The following ELMO1 variants were observed in gnomAD, a reference collection of about 807,000 sequenced individuals.
ELMO1 encodes engulfment and cell motility 1.
Under a neutral mutation model 98.9 loss-of-function variants are expected in ELMO1, and 26 were observed. That is an observed-to-expected ratio of 0.26 (90% CI 0.19 to 0.36). The LOEUF is 0.36. ELMO1 is among the 10% of genes least tolerant of loss of function. ELMO1 has a pLI of 1.00. For synonymous variants in ELMO1, 346 were observed against 346.0 expected (o/e 1.00, Z 0.00); for missense variants, 627 against 935.2 (o/e 0.67, Z 4.30).
At chr7:37,062,722 C>T (rs377633857) in intron 15 of ELMO1, among the ~76,000 whole-genome samples, 5 of 152,120 alleles carry the variant, frequency 3.3e-5, no homozygotes, top group South Asian at 2.1e-4. Flanking sequence ...GCCTCCTGGA[C>T]CTGGTAAATT....
intron 16 of ELMO1, among the ~76,000 whole-genome samples, chr7:36,961,711 A>T (rs1366755278): frequency 6.6e-6 from 1 of 152,184 alleles, no homozygotes; most frequent in Non-Finnish European, 1.5e-5. Flanking sequence ...GCTTTTAAGC[A>T]TTTTTTCATA....
chr7:37,061,591 TA>T (rs1408978427), intron 15 of ELMO1, among the ~76,000 whole-genome samples: 2 of 152,200 alleles, frequency 1.3e-5, no homozygotes, highest in African/African-American at 4.8e-5. Context: ...AGAAGAGTGA[TA>T]AATCAACCAG....
At chr7:37,227,114 G>T (rs2130577080) in intron 8 of ELMO1, among the ~76,000 whole-genome samples, 1 of 152,218 alleles carries the variant, frequency 6.6e-6, no homozygotes, top group Admixed American at 6.5e-5. Flanking sequence ...ATAATCACTG[G>T]TGATTCATAT....
At chr7:36,876,533 G>A (rs181851447) in intron 19 of ELMO1, among the ~76,000 whole-genome samples, 21 of 152,112 alleles carry the variant, frequency 1.4e-4, no homozygotes, top group Non-Finnish European at 2.8e-4. Flanking sequence ...CAGAACTGGC[G>A]GGAACATCTG....
chr7:37,319,296 A>AT (rs1455928504), intron 2 of ELMO1, among the ~76,000 whole-genome samples: 1 of 152,120 alleles, frequency 6.6e-6, no homozygotes, highest in Non-Finnish European at 1.5e-5. Context: ...TGCCCTCATT[A>AT]TGGCACCACT....
intron 15 of ELMO1, among the ~76,000 whole-genome samples, chr7:37,062,458 C>T (rs944695268): frequency 3.3e-5 from 5 of 152,158 alleles, no homozygotes; most frequent in Non-Finnish European, 7.3e-5. Context: ...GGTTTAGACA[C>T]GTGCATCCTT....
At chr7:37,043,460 C>T (rs1795635842) in intron 15 of ELMO1, among the ~76,000 whole-genome samples, 2 of 152,172 alleles carry the variant, frequency 1.3e-5, no homozygotes, top group South Asian at 2.1e-4. Flanking sequence ...GATGGCAAAG[C>T]GGCCACACAG....
At chr7:37,257,750 C>T (rs1435968805) in intron 6 of ELMO1, among the ~76,000 whole-genome samples, 2 of 150,318 alleles carry the variant, frequency 1.3e-5, no homozygotes, top group Admixed American at 6.7e-5. Context: ...ACCTGTAATC[C>T]CAATATCTTG....
At chr7:36,880,362 A>G (rs1804349665) in intron 18 of ELMO1, among the ~76,000 whole-genome samples, 1 of 152,228 alleles carries the variant, frequency 6.6e-6, no homozygotes, top group South Asian at 2.1e-4. Context: ...AAGATCAATG[A>G]CACTCAATTG....
chr7:37,015,451 AT>A (rs1189010596), intron 15 of ELMO1, among the ~76,000 whole-genome samples: 4 of 152,006 alleles, frequency 2.6e-5, no homozygotes, highest in African/African-American at 7.2e-5. Flanking sequence ...AAACACAAAA[AT>A]TAGCTGGGCA....
intron 1 of ELMO1, among the ~76,000 whole-genome samples, chr7:37,399,456 C>T (rs910828282): frequency 6.6e-6 from 1 of 152,192 alleles, no homozygotes; most frequent in Non-Finnish European, 1.5e-5. Flanking sequence ...CACCTTGCAC[C>T]AGGCACATGT....
chr7:36,895,052 G>A (rs2129055350), intron 16 of ELMO1, 35 bp from the exon 17 acceptor site: 1 of 1,608,356 alleles, frequency 6.2e-7, no homozygotes, highest in Non-Finnish European at 8.5e-7. Flanking sequence ...TTTTCCTGGG[G>A]GCTGACCTTT....
chr7:37,077,179 C>T (rs1295523298), intron 15 of ELMO1, among the ~76,000 whole-genome samples: 2 of 152,000 alleles, frequency 1.3e-5, no homozygotes, highest in African/African-American at 2.4e-5. Flanking sequence ...ATGGAGCTGG[C>T]GGGAGAAAAG....
intron 4 of ELMO1, among the ~76,000 whole-genome samples, chr7:37,309,083 C>T (rs1263918258): frequency 1.3e-5 from 2 of 152,270 alleles, no homozygotes; most frequent in African/African-American, 2.4e-5. Flanking sequence ...AGTCCGTTCT[C>T]ATGCTGCTAA....
chr7:37,295,321 C>A (rs1420599102), intron 4 of ELMO1, among the ~76,000 whole-genome samples: 2 of 152,160 alleles, frequency 1.3e-5, no homozygotes, highest in African/African-American at 2.4e-5. Flanking sequence ...CTATCAACAT[C>A]CAGACAGTGG....
In ELMO1 at chr7:37,077,186, A is replaced by G. The variant is rs116704429; in HGVS notation, c.1300+19433T>C. Among the ~76,000 whole-genome samples, 259 of 152,324 alleles carry G rather than the reference A, an allele frequency of 1.7e-3. 5 individuals are homozygous for G. The highest frequency in any genetic ancestry group is 5.9e-3 in the African/African-American group (246 of 41,558). ...TGGGGCAGATGGAGCTGGCGGGAGA[A>G]AAGCTGCAAAGAAAGATATGCAAAT... On this transcript the variant is annotated intron_variant, in intron 15 of 21. Transcript: ENST00000310758.
At chr7:37,417,389 C>T (rs77869078) in intron 1 of ELMO1, among the ~76,000 whole-genome samples, 3,740 of 152,198 alleles carry the variant, frequency 0.025, 162 homozygotes, top group African/African-American at 0.083. Context: ...TGGCCAGGCG[C>T]GGTGTCTTAC....
At chr7:37,373,809 C>G (rs1437456449) in intron 1 of ELMO1, among the ~76,000 whole-genome samples, 1 of 152,212 alleles carries the variant, frequency 6.6e-6, no homozygotes, top group Non-Finnish European at 1.5e-5. Context: ...ATTCTCAGTT[C>G]TCTCCTTTGC....
At chr7:37,185,973 A>T (rs1791179511) in intron 13 of ELMO1, among the ~76,000 whole-genome samples, 1 of 152,196 alleles carries the variant, frequency 6.6e-6, no homozygotes, top group South Asian at 2.1e-4. Flanking sequence ...ACAATCCTGA[A>T]ATTCATGTGG....
Sources: gnomAD v4.1 joint callset for allele counts (sites outside exome capture counted in the v4.1 genomes callset) on GRCh38, gnomAD v4.1.1 for gene constraint, MANE v1.5 for transcripts, NCBI Gene and HGNC (gene_info 2026-07-23, HGNC 2026-07-21) for gene names.